MAP2: variants seen among roughly 807,000 people sequenced by gnomAD.
The protein encoded by MAP2 is microtubule associated protein 2, also known as microtubule-associated protein 2.
A neutral mutation model predicts 137.6 loss-of-function variants in MAP2; 14 were observed. That is an observed-to-expected ratio of 0.10 (90% CI 0.07 to 0.16). MAP2 has a LOEUF of 0.16. Among genes scored for constraint, MAP2 ranks in the 10% least tolerant of loss-of-function variants. The pLI, the probability that MAP2 is intolerant of heterozygous loss-of-function variation, is 1.00. For missense variants in MAP2, 2,088 were observed against 2,191.5 expected, an observed-to-expected ratio of 0.95 and a Z score of 0.94; for synonymous variants, 786 against 782.3, an observed-to-expected ratio of 1.00 and a Z score of -0.08.
chr2:209,602,088 G>A lies in MAP2; in HGVS notation c.-107+21988G>A, dbSNP rs554456618. ...ACTGTTGTTGTTGTTTTTCTAAACT[G>A]CTTGTCACCTTTTGAATTTTATCTA... On this transcript the variant is annotated intron_variant, in intron 3 of 15. Transcript: ENST00000682079. Among the ~76,000 whole-genome samples the A allele has an allele frequency of 9.9e-5, 15 of 152,212 alleles. No individual in the cohort carries two copies. The South Asian group carries it at 3.1e-3, about 32-fold the overall frequency.
At chr2:209,572,349 T>C (rs577160620) in intron 2 of MAP2, among the ~76,000 whole-genome samples, 3 of 152,244 alleles carry the variant, frequency 2.0e-5, no homozygotes, top group African/African-American at 7.2e-5. Flanking sequence ...TTTTTATAAA[T>C]ATACTTTATT....
chr2:209,519,587 A>G (rs2062986738), intron 2 of MAP2, among the ~76,000 whole-genome samples: 1 of 152,086 alleles, frequency 6.6e-6, no homozygotes, highest in Non-Finnish European at 1.5e-5. Flanking sequence ...GTTAGCCATC[A>G]TTAAGATTTA....
rs544707188 is a variant in MAP2 at position 209,621,123 on chromosome 2, A to C, written c.-106-3930A>C. Among the ~76,000 whole-genome samples the C allele has an allele frequency of 4.0e-4, 60 of 151,762 alleles. No homozygotes were observed. In the East Asian group the frequency reaches 0.011, roughly 29 times the overall value. On this transcript the variant is annotated intron_variant, in intron 3 of 15. Coordinates refer to ENST00000682079, the MANE Select transcript of MAP2 (RefSeq NM_001375505.1). ...GGCATAAGAATCACTTGAACCCTGG[A>C]GGCGGAGGTTGCAGTGAGCCGAGAT...
intron 2 of MAP2, among the ~76,000 whole-genome samples, chr2:209,541,153 C>T (rs1018927946): frequency 6.6e-6 from 1 of 151,106 alleles, no homozygotes; most frequent in African/African-American, 2.5e-5. Context: ...GCCTCAGCCT[C>T]CCAAGTAGCT....
chr2:209,517,833 A>C (rs915207688), intron 2 of MAP2, among the ~76,000 whole-genome samples: 2 of 151,526 alleles, frequency 1.3e-5, no homozygotes, highest in Non-Finnish European at 2.9e-5. Flanking sequence ...AAAGAAATAC[A>C]AGCCATGAGG....
intron 4 of MAP2, among the ~76,000 whole-genome samples, chr2:209,641,551 CA>C (rs1240387926): frequency 6.6e-6 from 1 of 150,772 alleles, no homozygotes; most frequent in Admixed American, 6.7e-5. Flanking sequence ...GCATCATGTC[CA>C]AGTTTACGTA....
intron 11 of MAP2, chr2:209,704,498 C>G: frequency 6.2e-7 from 1 of 1,612,664 alleles, no homozygotes; most frequent in Non-Finnish European, 8.5e-7. Flanking sequence ...CACAAAGTCC[C>G]CAAGATACAG....
At chr2:209,581,617 C>T (rs1215899078) in intron 3 of MAP2, among the ~76,000 whole-genome samples, 1 of 152,014 alleles carries the variant, frequency 6.6e-6, no homozygotes, top group Non-Finnish European at 1.5e-5. Context: ...GGTATTTGCC[C>T]ATCTGATTAA....
chr2:209,590,749 A>G (rs893819971), intron 3 of MAP2, among the ~76,000 whole-genome samples: 2 of 152,212 alleles, frequency 1.3e-5, no homozygotes, highest in African/African-American at 4.8e-5. Context: ...TTACATTTCT[A>G]GTATCACAGT....
rs1183477185 is a variant in MAP2 at position 209,693,824 on chromosome 2, G to T, written c.1654G>T (p.Ala552Ser). 2 of 1,614,050 alleles carry T rather than the reference G, an allele frequency of 1.2e-6. No homozygotes were observed. The highest frequency in any genetic ancestry group is 1.1e-5 in the South Asian group (1 of 91,048). The change falls in exon 8 of 16, where the codon GCT (alanine) becomes TCT (serine). Residue 552 changes from alanine (A) to serine (S), a missense_variant. Ala to Ser is a moderately conservative substitution (Grantham distance 99). Transcript: ENST00000682079. Reference protein sequence around the residue: ...DDKDKIEGVGAATSAELDMPF... With the variant: ...DDKDKIEGVGSATSAELDMPF... ...CAAAGATAAGATTGAAGGAGTTGGA[G>T]CTGCAACATCAGCTGAGCTTGATAT...
intron 1 of MAP2, among the ~76,000 whole-genome samples, chr2:209,491,973 C>T (rs2059165352): frequency 6.6e-6 from 1 of 152,216 alleles, no homozygotes; most frequent in Non-Finnish European, 1.5e-5. Context: ...GATAACAAAA[C>T]CTGGCAGAGA....
chr2:209,646,465 C>G (rs1371680969), intron 4 of MAP2, among the ~76,000 whole-genome samples: 1 of 152,104 alleles, frequency 6.6e-6, no homozygotes, highest in Non-Finnish European at 1.5e-5. Context: ...AATTTTTAAA[C>G]ATAGAACATT....
At position 209,692,679 on chromosome 2, in the gene MAP2, C is replaced by T; in HGVS notation, c.509C>T (p.Ser170Phe). Residue 170 changes from serine (S) to phenylalanine (F), a missense_variant, in exon 8 of 16, where the codon TCT becomes TTT. By Grantham distance (155) the Ser-to-Phe change is radical. Transcript: ENST00000682079. ...CACGATCAACAGGAATTGACTCCCTCTACAGCTGAGCCTTCAGACCAGAAG... is the reference window on the plus strand; with the variant it reads ...CACGATCAACAGGAATTGACTCCCTTTACAGCTGAGCCTTCAGACCAGAAG... ...EFHDQQELTP[S>F]TAEPSDQKEK... 6.2e-7 allele frequency: 1 copy of T among 1,611,710 alleles called. No homozygotes were observed. The highest frequency in any genetic ancestry group is 1.7e-5 in the Admixed American group (1 of 59,482).
intron 1 of MAP2, among the ~76,000 whole-genome samples, chr2:209,467,454 C>G (rs1704426342): frequency 6.6e-6 from 1 of 152,110 alleles, no homozygotes; most frequent in Non-Finnish European, 1.5e-5. Context: ...TTAGATTTGT[C>G]TCTTCCTACT....
intron 2 of MAP2, among the ~76,000 whole-genome samples, chr2:209,571,196 C>G (rs1020882946): frequency 1.3e-5 from 2 of 151,730 alleles, no homozygotes; most frequent in Non-Finnish European, 3.0e-5. Context: ...CACTATAGAT[C>G]CTAAAACTTA....
intron 1 of MAP2, among the ~76,000 whole-genome samples, chr2:209,460,649 CT>C: frequency 6.7e-6 from 1 of 149,194 alleles, no homozygotes; most frequent in Non-Finnish European, 1.5e-5. Flanking sequence ...TCTTTTCACT[CT>C]CTTTTTTCAT....
chr2:209,706,653 G>A (rs1054549357), intron 12 of MAP2, among the ~76,000 whole-genome samples: 27 of 152,014 alleles, frequency 1.8e-4, no homozygotes, highest in African/African-American at 5.8e-4. Flanking sequence ...TTATTGGGAG[G>A]AAATAGTACT....
intron 11 of MAP2, chr2:209,704,002 G>A (rs1270027763): frequency 2.2e-6 from 1 of 455,574 alleles, no homozygotes; most frequent in East Asian, 6.9e-5. Context: ...CCATGTGCAG[G>A]CTTGTTACAA....
intron 1 of MAP2, among the ~76,000 whole-genome samples, chr2:209,494,896 G>A (rs982597537): frequency 2.6e-5 from 4 of 152,220 alleles, no homozygotes; most frequent in African/African-American, 4.8e-5. Context: ...ATTTGAATAT[G>A]CCAGAACTCC....
Sources: allele counts gnomAD v4.1 joint callset (sites outside exome capture counted in the v4.1 genomes callset), GRCh38; gene constraint gnomAD v4.1.1; transcripts MANE v1.5; gene names NCBI Gene and HGNC (gene_info 2026-07-23, HGNC 2026-07-21).